Variants in RNPEP observed in about 807,000 individuals in gnomAD.
RNPEP encodes the protein arginyl aminopeptidase.
RNPEP carries 57 observed loss-of-function variants against 70.1 expected under a neutral mutation model. That is an observed-to-expected ratio of 0.81 (90% CI 0.66 to 1.01). The LOEUF (loss-of-function observed/expected upper bound fraction) is 1.01. RNPEP is among the 50% of genes least tolerant of loss of function. The pLI is 0.00. For synonymous variants in RNPEP, 335 were observed against 357.4 expected, an observed-to-expected ratio of 0.94 and a Z score of 0.71; for missense variants, 787 against 852.4, an observed-to-expected ratio of 0.92 and a Z score of 0.96.
intron 3 of RNPEP, among the ~76,000 whole-genome samples, chr1:201,995,538 C>T (rs1043088373): frequency 1.3e-5 from 2 of 152,022 alleles, no homozygotes; most frequent in African/African-American, 4.8e-5. Context: ...AAAAATTAGC[C>T]AGGCATGATG....
At position 202,005,906 on chromosome 1, in the gene RNPEP, T is replaced by C; in HGVS notation, c.*190T>C. 1 of 658,826 alleles carries C rather than the reference T, an allele frequency of 1.5e-6. No homozygotes were observed. The highest frequency in any genetic ancestry group is 2.1e-5 in the South Asian group (1 of 48,412). 40.8% of individuals were successfully genotyped at this position (658,826 alleles called of 1,614,324 possible). On this transcript the variant is annotated 3_prime_UTR_variant, in exon 11 of 11. Transcript: ENST00000295640. ...GGGAACTTACTTCTCTATAGCCCAC[T>C]GAGCCCCGAGACAGAGAACCTGCCC...
Position 201,996,156 on chromosome 1 carries a change from G to A in RNPEP, c.747G>A (p.Val249=). 1 of 1,613,942 alleles carries A rather than the reference G, an allele frequency of 6.2e-7. No homozygotes were observed. The highest frequency in any genetic ancestry group is 8.5e-7 in the Non-Finnish European group (1 of 1,179,814). The stretch of plus-strand genomic sequence containing the variant: ...GCTCTCTTGTCTTTAGGAGCCGGGT[G>A]TGGGCTGAGCCCTGCCTGATTGATG... The part of the protein sequence containing the change: ...VSAEVGPRSR[V]WAEPCLIDAA... Residue 249 remains valine (V), a synonymous_variant, in exon 4 of 11, where the codon GTG becomes GTA. Coordinates refer to ENST00000295640, the MANE Select transcript of RNPEP (RefSeq NM_020216.4).
At chr1:201,997,845 C>T (rs1281643760) in intron 5 of RNPEP, among the ~76,000 whole-genome samples, 1 of 150,618 alleles carries the variant, frequency 6.6e-6, no homozygotes, top group Non-Finnish European at 1.5e-5. Flanking sequence ...CTCACTGCAA[C>T]CTCCACCTCC....
At position 201,996,180 on chromosome 1, in the gene RNPEP, T is replaced by C. The variant is rs201809475; in HGVS notation, c.771T>C (p.Asp257=). ...SRVWAEPCLI[D]AAKEEYNGVI... is the part of the protein sequence containing the mutation. ...TGTGGGCTGAGCCCTGCCTGATTGA[T>C]GCTGCCAAGGAGGAGTACAACGGGG... The change falls in exon 4 of 11, where the codon GAT becomes GAC. Residue 257 remains aspartate (D), a synonymous_variant. Transcript: ENST00000295640. 3.1e-6 allele frequency: 5 copies of C among 1,614,208 alleles called. No individual in the cohort carries two copies. Among genetic ancestry groups the C allele is most frequent in the Non-Finnish European group, 4.2e-6 (5 of 1,180,020 alleles).
At position 201,989,426 on chromosome 1, in the gene RNPEP, A is replaced by C; in HGVS notation, c.632A>C (p.Glu211Ala). 2 of 1,614,160 alleles carry C rather than the reference A, an allele frequency of 1.2e-6. No individual in the cohort carries two copies. Among genetic ancestry groups the C allele is most frequent in the Non-Finnish European group, 1.7e-6 (2 of 1,180,028 alleles). Residue 211 changes from glutamate to alanine, a missense_variant, in exon 3 of 11, where the codon GAG becomes GCG. Transcript: ENST00000295640. ...GCTGTGATGAGTGCTAGCACCTGGGAGAAGAGAGGTCCAAATAAGTTCTTC... is the reference window on the plus strand; with the variant it reads ...GCTGTGATGAGTGCTAGCACCTGGGCGAAGAGAGGTCCAAATAAGTTCTTC... ...FTAVMSASTWEKRGPNKFFFQ... is the reference protein window; with the variant it reads ...FTAVMSASTWAKRGPNKFFFQ...
At chr1:201,985,752 A>AT (rs1683111367) in intron 1 of RNPEP, among the ~76,000 whole-genome samples, 1 of 152,230 alleles carries the variant, frequency 6.6e-6, no homozygotes, top group Non-Finnish European at 1.5e-5. Context: ...TATAATTAAT[A>AT]AACCAGTACC....
chr1:201,986,320 C>G (rs1683129976), intron 1 of RNPEP, among the ~76,000 whole-genome samples: 1 of 152,018 alleles, frequency 6.6e-6, no homozygotes, highest in African/African-American at 2.4e-5. Context: ...GTCTCAAACT[C>G]CTGGCCTCAA....
Position 202,005,971 on chromosome 1 carries a change from G to A in RNPEP, c.*255G>A. Reference sequence around the variant, plus strand: ...TACAGGCTGCAGGCACTGCAGGGCAGCGGGTATTCTCCTCCCCACCTAAGT... The same window carrying A: ...TACAGGCTGCAGGCACTGCAGGGCAACGGGTATTCTCCTCCCCACCTAAGT... On this transcript the variant is annotated 3_prime_UTR_variant, in exon 11 of 11. Coordinates refer to ENST00000295640, the MANE Select transcript of RNPEP (RefSeq NM_020216.4). 2.1e-6 allele frequency: 1 copy of A among 472,772 alleles called. No individual in the cohort carries two copies. The highest frequency in any genetic ancestry group is 3.8e-6 in the Non-Finnish European group (1 of 261,708). The allele number at this position is 472,772 out of a possible 1,614,324, so 29.3% of individuals were successfully genotyped here. A position where few individuals can be genotyped will look rare whatever the true frequency, so the allele number is the denominator to read the frequency against.
Position 202,001,420 on chromosome 1 carries a change from G to A in RNPEP, c.1249G>A (p.Gly417Ser), listed in dbSNP as rs1006665029. ...DTYNETPYEK[G>S]FCFVSYLAHL... ...CTATAATGAGACCCCCTACGAGAAA[G>A]GTTTCTGCTTTGTTTCATACCTGGC... The change falls in exon 7 of 11, where the codon GGT becomes AGT. Residue 417 changes from glycine (G) to serine (S), a missense_variant. Physicochemically the swap from Gly to Ser is moderately conservative, Grantham distance 56. Coordinates refer to ENST00000295640, the MANE Select transcript of RNPEP (RefSeq NM_020216.4). 12 of 1,614,006 alleles carry A rather than the reference G, an allele frequency of 7.4e-6. No individual in the cohort carries two copies. Among genetic ancestry groups the A allele is most frequent in the Non-Finnish European group, 8.5e-6 (10 of 1,179,886 alleles).
intron 5 of RNPEP, among the ~76,000 whole-genome samples, chr1:201,998,597 C>T (rs1273481314): frequency 1.3e-5 from 2 of 152,048 alleles, no homozygotes; most frequent in Non-Finnish European, 1.5e-5. Flanking sequence ...CCATTATCTT[C>T]CAGAAAGTTT....
rs564306427 is a variant in RNPEP at position 201,982,818 on chromosome 1, G to A, written c.152G>A (p.Gly51Glu). Residue 51 changes from glycine (G) to glutamate (E), a missense_variant, in exon 1 of 11, where the codon GGG becomes GAG. Physicochemically the swap from Gly to Glu is moderately conservative, Grantham distance 98. Transcript: ENST00000295640. ...CTGCGGGCTGAGTTCGGGCCTCCAG[G>A]GCCCGGCGCAGGGAGCCGGGGGCTG... Reference protein sequence around the residue: ...LDLRAEFGPPGPGAGSRGLSG... With the variant: ...LDLRAEFGPPEPGAGSRGLSG... The A allele has an allele frequency of 1.2e-5, 16 of 1,333,154 alleles. No homozygotes were observed. In the African/African-American group the frequency reaches 1.9e-4, roughly 15 times the overall value. The allele number at this position is 1,333,154 out of a possible 1,614,324, so 82.6% of individuals were successfully genotyped here.
chr1:201,995,921 G>C (rs189107022), intron 3 of RNPEP: 4 of 535,636 alleles, frequency 7.5e-6, no homozygotes, highest in East Asian at 3.0e-5. Context: ...CCATAACTGC[G>C]TAGCACGGTT....
At chr1:202,005,444 C>G in intron 10 of RNPEP, 114 bp from the exon 11 acceptor site, 1 of 1,208,536 alleles carries the variant, frequency 8.3e-7, no homozygotes, top group Non-Finnish European at 1.2e-6. Context: ...CTGTGATGCC[C>G]ACATCCCTTT....
chr1:201,999,046 G>A lies in RNPEP; in HGVS notation c.1091-856G>A, dbSNP rs566322197. Among the ~76,000 whole-genome samples the A allele has an allele frequency of 3.3e-5, 5 of 152,146 alleles. No homozygotes were observed. In the South Asian group the frequency reaches 6.2e-4, roughly 19 times the overall value. On this transcript the variant is annotated intron_variant, in intron 5 of 10. Transcript: ENST00000295640. ...GCCTGACCAAAATGGTGAAACCCCC[G>A]TCTCTACTAAAAATACAAAAATTAG...
chr1:201,995,840 A>T, intron 3 of RNPEP: 1 of 300,810 alleles, frequency 3.3e-6, no homozygotes, highest in Non-Finnish European at 6.2e-6. Flanking sequence ...ATCTTCACTC[A>T]TTTTACAGAT....
rs142459545 is a variant in RNPEP, at chr1:201,988,457, C to CAAAA, written c.448-424_448-421dup. 7.0e-5 allele frequency among the ~76,000 whole-genome samples: 8 copies of CAAAA among 114,398 alleles called. No individual in the cohort carries two copies. The East Asian group carries it at 1.3e-3, about 19-fold the overall frequency. 75.0% of individuals were successfully genotyped at this position (114,398 alleles called of 152,430 possible). A position where few individuals can be genotyped will look rare whatever the true frequency, so the allele number is the denominator to read the frequency against. On this transcript the variant is annotated intron_variant, in intron 1 of 10. Coordinates refer to ENST00000295640, the MANE Select transcript of RNPEP (RefSeq NM_020216.4). ...TGGGCGACAGAGCGATACTCTGTCT[C>CAAAA]AAAAAAAAAAAAAAAAAAAAAAAAA...
intron 3 of RNPEP, among the ~76,000 whole-genome samples, chr1:201,992,266 C>A (rs988754848): frequency 6.6e-6 from 1 of 152,054 alleles, no homozygotes; most frequent in African/African-American, 2.4e-5. Context: ...CTCCTGGGCT[C>A]AAGAGATCCT....
At chr1:201,997,596 C>A (rs1683608929) in intron 5 of RNPEP, 42 bp downstream of exon 5, 20 of 1,502,170 alleles carry the variant, frequency 1.3e-5, no homozygotes, top group Non-Finnish European at 1.8e-5. Flanking sequence ...GCCTCCCATT[C>A]TTAACCTGTG....
chr1:201,983,393 C>T, intron 1 of RNPEP: 1 of 1,502,084 alleles, frequency 6.7e-7, no homozygotes, highest in Non-Finnish European at 9.0e-7. Flanking sequence ...GCCCTGGAGG[C>T]TTGTCCAGAT....
Sources: gnomAD v4.1 joint callset for allele counts (sites outside exome capture counted in the v4.1 genomes callset) on GRCh38, gnomAD v4.1.1 for gene constraint, MANE v1.5 for transcripts, NCBI Gene and HGNC (gene_info 2026-07-23, HGNC 2026-07-21) for gene names.